Variants in MICAL3 observed in about 807,000 individuals in gnomAD.
MICAL3 encodes microtubule associated monooxygenase, calponin and LIM domain containing 3.
In MICAL3, 62 loss-of-function variants were observed where a neutral mutation model predicts 207.4. That is an observed-to-expected ratio of 0.30 (90% CI 0.24 to 0.37). The LOEUF is 0.37. MICAL3 is among the 10% of genes least tolerant of loss of function. The probability of loss-of-function intolerance (pLI) is 1.00; values close to 1 mark genes in which losing one functional copy is unlikely to be tolerated. For missense variants in MICAL3, 2,368 were observed against 2,635.6 expected (o/e 0.90, Z 2.22); for synonymous variants, 1,077 against 1,069.3 (o/e 1.01, Z -0.14).
intron 16 of MICAL3, among the ~76,000 whole-genome samples, chr22:17,877,723 C>G (rs145503691): frequency 6.6e-6 from 1 of 152,072 alleles, no homozygotes; most frequent in South Asian, 2.1e-4. Flanking sequence ...AGAAACATCT[C>G]TGCAAGCCTT....
At chr22:17,969,784 C>T (rs1432594432) in intron 1 of MICAL3, among the ~76,000 whole-genome samples, 2 of 152,248 alleles carry the variant, frequency 1.3e-5, no homozygotes, top group African/African-American at 4.8e-5. Context: ...TCTAGGATGG[C>T]CTCTTTGCCG....
At chr22:17,865,285 C>T (rs1926967879) in intron 18 of MICAL3, among the ~76,000 whole-genome samples, 1 of 152,070 alleles carries the variant, frequency 6.6e-6, no homozygotes, top group African/African-American at 2.4e-5. Flanking sequence ...CCTCTTCCTG[C>T]CAGTCCCTCT....
intron 1 of MICAL3, among the ~76,000 whole-genome samples, chr22:17,984,353 G>A (rs1039797877): frequency 1.3e-5 from 2 of 152,244 alleles, no homozygotes; most frequent in Non-Finnish European, 2.9e-5. Flanking sequence ...ATACCATACA[G>A]TGTTTCACCT....
intron 1 of MICAL3, among the ~76,000 whole-genome samples, chr22:17,943,604 T>C (rs1463857631): frequency 1.3e-5 from 2 of 152,256 alleles, no homozygotes; most frequent in African/African-American, 4.8e-5. Context: ...TGCCCAAGGC[T>C]GCGCTTTATG....
At chr22:17,856,608 CT>C (rs57588188) in intron 19 of MICAL3, among the ~76,000 whole-genome samples, 1,335 of 94,828 alleles carry the variant, frequency 0.014, 6 homozygotes, top group Middle Eastern at 0.022. Flanking sequence ...AAAATGTTTA[CT>C]TTTTTTTTTT....
chr22:17,860,730 T>C, intron 19 of MICAL3: 5 of 985,420 alleles, frequency 5.1e-6, no homozygotes, highest in Non-Finnish European at 6.0e-6. Context: ...TAGTCTGCTC[T>C]TGGGGCCCTT....
intron 19 of MICAL3, among the ~76,000 whole-genome samples, chr22:17,848,081 CAG>C (rs1274255047): frequency 6.6e-6 from 1 of 152,184 alleles, no homozygotes; most frequent in Non-Finnish European, 1.5e-5. Context: ...CGCAACGTCT[CAG>C]GGGAGATGTA....
At chr22:17,798,742 C>T (rs962214914) in intron 29 of MICAL3, among the ~76,000 whole-genome samples, 11 of 144,172 alleles carry the variant, frequency 7.6e-5, no homozygotes, top group Admixed American at 4.1e-4. Flanking sequence ...GGCGCGATCT[C>T]GGCTCACTGC....
At chr22:17,994,756 G>C (rs1484741499) in intron 1 of MICAL3, among the ~76,000 whole-genome samples, 1 of 151,864 alleles carries the variant, frequency 6.6e-6, no homozygotes, top group Non-Finnish European at 1.5e-5. Context: ...AGCATGGGCA[G>C]GAGAGAAGAG....
chr22:17,863,936 G>A, intron 19 of MICAL3: 1 of 985,364 alleles, frequency 1.0e-6, no homozygotes, highest in Non-Finnish European at 1.2e-6. Context: ...CATGTGTTTT[G>A]AACAAGAGGA....
chr22:17,853,869 T>C (rs1925605363), intron 19 of MICAL3, among the ~76,000 whole-genome samples: 1 of 152,232 alleles, frequency 6.6e-6, no homozygotes, highest in African/African-American at 2.4e-5. Flanking sequence ...TCTAAAATGA[T>C]CTGCACCCGC....
intron 27 of MICAL3, 91 bp from the exon 28 acceptor site, chr22:17,810,904 G>C: frequency 1.0e-6 from 1 of 977,902 alleles, no homozygotes; most frequent in Non-Finnish European, 1.6e-6. Flanking sequence ...GGAGAGGTCT[G>C]TCCCCCATGT....
At chr22:17,985,218 G>C (rs1190924623) in intron 1 of MICAL3, among the ~76,000 whole-genome samples, 52 of 151,662 alleles carry the variant, frequency 3.4e-4, no homozygotes, top group African/African-American at 1.1e-3. Flanking sequence ...AGGAAGGTCC[G>C]GCCAGGGAGG....
chr22:17,919,869 C>T (rs577207571), intron 1 of MICAL3, among the ~76,000 whole-genome samples: 1 of 152,324 alleles, frequency 6.6e-6, no homozygotes, highest in East Asian at 1.9e-4. Context: ...TGTAACTGTT[C>T]CCTATAAAAA....
At chr22:17,885,454 T>A (rs554302185) in intron 16 of MICAL3, among the ~76,000 whole-genome samples, 28 of 151,966 alleles carry the variant, frequency 1.8e-4, no homozygotes, top group Non-Finnish European at 3.4e-4. Context: ...AAAACAAGAA[T>A]ACACTGAAAA....
chr22:17,810,805 G>C lies in MICAL3; in HGVS notation c.5454C>G (p.Thr1818=). 1 of 1,613,832 alleles carries C rather than the reference G, an allele frequency of 6.2e-7. No homozygotes were observed. The highest frequency in any genetic ancestry group is 8.5e-7 in the Non-Finnish European group (1 of 1,179,738). The change falls in exon 28 of 32, where the codon ACC becomes ACG. Residue 1818 remains threonine, a synonymous_variant. Coordinates refer to ENST00000441493, the MANE Select transcript of MICAL3 (RefSeq NM_015241.3). ...SSQKSRREPR[T]YTEEELNAKL... ...TGGCATTCAGTTCCTCCTCCGTGTAGGTTCTTGGCTGGAGAGAACAAGAGA... is the reference window on the plus strand; with the variant it reads ...TGGCATTCAGTTCCTCCTCCGTGTACGTTCTTGGCTGGAGAGAACAAGAGA...
rs557358501 is a variant in MICAL3 at position 17,862,412 on chromosome 22, A to G, written c.2605+2487T>C. 66 of 459,360 alleles carry G rather than the reference A, an allele frequency of 1.4e-4. No homozygotes were observed. The South Asian group carries it at 5.8e-3, about 40-fold the overall frequency. The allele number at this position is 459,360 out of a possible 1,614,324, so 28.5% of individuals were successfully genotyped here. A position where few individuals can be genotyped will look rare whatever the true frequency, so the allele number is the denominator to read the frequency against. ...TGGGACTACAGGCATCCGCCACCAC[A>G]CCACACCCGGCTAATTTTTTTGTAT... is the stretch of plus-strand genomic sequence containing the variant. On this transcript the variant is annotated intron_variant, in intron 19 of 31. Transcript: ENST00000441493.
rs368124560 is a variant in MICAL3 at position 17,818,468 on chromosome 22, G to A, written c.4193C>T (p.Pro1398Leu). ...GGACCGGGGGGTTGGCAGGGACAAC[G>A]GCTCGCCTTCCGGCTTTGGCAGGCC... The part of the protein sequence containing the change: ...RLGLPKPEGE[P>L]LSLPTPRSPS... Residue 1398 changes from proline (P) to leucine (L), a missense_variant, in exon 26 of 32, where the codon CCG becomes CTG. Pro to Leu is a moderately conservative substitution (Grantham distance 98). Around this residue, in one of 4 missense-constraint regions of MICAL3, gnomAD observed 1,770 missense variants for 1,863.2 expected, o/e 0.95. Coordinates refer to ENST00000441493, the MANE Select transcript of MICAL3 (RefSeq NM_015241.3). 7.4e-6 allele frequency: 12 copies of A among 1,612,748 alleles called. No homozygotes were observed. Among genetic ancestry groups the A allele is most frequent in the South Asian group, 3.3e-5 (3 of 91,092 alleles).
intron 1 of MICAL3, among the ~76,000 whole-genome samples, chr22:17,951,812 T>C (rs1026104732): frequency 3.9e-5 from 6 of 152,036 alleles, no homozygotes; most frequent in African/African-American, 1.2e-4. Context: ...TTCTCCTGCC[T>C]TGGCCCCCTG....
Sources: gnomAD v4.1 joint callset for allele counts (sites outside exome capture counted in the v4.1 genomes callset) on GRCh38, gnomAD v4.1.1 for gene constraint, gnomAD v4.1.1 regional missense constraint, MANE v1.5 for transcripts, NCBI Gene and HGNC (gene_info 2026-07-23, HGNC 2026-07-21) for gene names.